The following SLC25A48 variants were observed in gnomAD, a reference collection of about 807,000 sequenced individuals.
The protein encoded by SLC25A48 is CTC-321K16.1.
A neutral mutation model predicts 32.2 loss-of-function variants in SLC25A48; 29 were observed. The ratio of observed to expected loss-of-function variants is 0.90; its 90% confidence interval spans 0.67 to 1.23. SLC25A48 has a LOEUF of 1.23. Among genes scored for constraint, SLC25A48 ranks in the 50% most tolerant of loss-of-function variants. SLC25A48 has a pLI of 0.00. For missense variants in SLC25A48, 399 were observed against 422.7 expected (o/e 0.94, Z 0.49); for synonymous variants, 164 against 172.3 (o/e 0.95, Z 0.38).
intron 3 of SLC25A48, among the ~76,000 whole-genome samples, chr5:135,675,914 C>A (rs1753758940): frequency 6.6e-6 from 1 of 151,962 alleles, no homozygotes; most frequent in Non-Finnish European, 1.5e-5. Context: ...AGTGATCTTT[C>A]ACTTCCTTGG....
At chr5:135,840,072 C>G (rs1176108322) in intron 1 of SLC25A48, among the ~76,000 whole-genome samples, 2 of 152,146 alleles carry the variant, frequency 1.3e-5, no homozygotes, top group Non-Finnish European at 2.9e-5. Context: ...CTTAGGGCAG[C>G]CTTGGTTCTC....
chr5:135,760,121 G>C (rs1033311910), intron 3 of SLC25A48, among the ~76,000 whole-genome samples: 1 of 152,062 alleles, frequency 6.6e-6, no homozygotes, highest in Non-Finnish European at 1.5e-5. Context: ...GTGAGCCACC[G>C]CGCCCGGCCC....
At chr5:135,882,118 G>A (rs72791395) in intron 7 of SLC25A48, among the ~76,000 whole-genome samples, 8,600 of 152,326 alleles carry the variant, frequency 0.056, 360 homozygotes, top group African/African-American at 0.11. Context: ...CTTTCTGGAA[G>A]CGCTCTTTCT....
intron 3 of SLC25A48, among the ~76,000 whole-genome samples, chr5:135,772,092 A>T (rs12152911): frequency 0.3 from 45,801 of 151,268 alleles, 7,091 homozygotes; most frequent in East Asian, 0.46. Context: ...ACCCTGTGAT[A>T]TTATTCATAA....
Position 135,779,522 on chromosome 5 carries a change from A to ACACGCACTCTAATAAGGTT in SLC25A48, c.-520-33001_-520-33000insCACGCACTCTAATAAGGTT, listed in dbSNP as rs1326006136. On this transcript the variant is annotated intron_variant, in intron 3 of 10. Coordinates refer to the SLC25A48 transcript ENST00000646290. ...ACTCCCAATATTGCAGGGGGTGTAC[A>ACACGCACTCTAATAAGGTT]TGCCCCCCTGTGATATTGTTTCTAA... is the stretch of plus-strand genomic sequence containing the variant. 4.7e-4 allele frequency among the ~76,000 whole-genome samples: 57 copies of ACACGCACTCTAATAAGGTT among 120,792 alleles called. 1 individual carries two copies. Among genetic ancestry groups the ACACGCACTCTAATAAGGTT allele is most frequent in the Non-Finnish European group, 7.0e-4 (34 of 48,510 alleles). The allele number at this position is 120,792 out of a possible 152,430, so 79.2% of individuals were successfully genotyped here.
chr5:135,828,507 C>T (rs1373882179), intron 4 of SLC25A48, among the ~76,000 whole-genome samples: 1 of 152,242 alleles, frequency 6.6e-6, no homozygotes, highest in African/African-American at 2.4e-5. Flanking sequence ...TGCCTGCTCT[C>T]AGGTGCTGAG....
chr5:135,772,485 G>C (rs7378725), intron 3 of SLC25A48, among the ~76,000 whole-genome samples: 2 of 151,376 alleles, frequency 1.3e-5, no homozygotes, highest in Non-Finnish European at 3.0e-5. Context: ...TATTCACGAA[G>C]AAAGAGAATA....
At chr5:135,742,518 C>T in intron 3 of SLC25A48, 1 of 1,549,418 alleles carries the variant, frequency 6.5e-7, no homozygotes, top group Non-Finnish European at 8.8e-7. Context: ...CTTTTCCCAA[C>T]ACTGCCTTTC....
Position 135,793,388 on chromosome 5 carries a change from T to C in SLC25A48, c.-520-19135T>C, listed in dbSNP as rs530305508. On this transcript the variant is annotated intron_variant, in intron 3 of 10. Transcript: ENST00000646290. The stretch of plus-strand genomic sequence containing the variant: ...ACCCTGGGATATTATTCGTAGTATT[T>C]TGGGGAGATATTACTCTCTTAATGT... Among the ~76,000 whole-genome samples the C allele has an allele frequency of 2.7e-4, 41 of 151,610 alleles. 2 individuals are homozygous for C. Among genetic ancestry groups the C allele is most frequent in the Admixed American group, 2.5e-3 (38 of 15,170 alleles).
At chr5:135,800,691 C>T (rs1757298565) in intron 3 of SLC25A48, among the ~76,000 whole-genome samples, 1 of 151,862 alleles carries the variant, frequency 6.6e-6, no homozygotes, top group Admixed American at 6.6e-5. Context: ...GTACACCCCC[C>T]TGGGATAGGG....
intron 2 of SLC25A48, among the ~76,000 whole-genome samples, chr5:135,632,507 G>A (rs796416188): frequency 2.6e-5 from 4 of 152,152 alleles, no homozygotes; most frequent in African/African-American, 9.7e-5. Flanking sequence ...GAGAAGTCTA[G>A]TTTCTGGCCA....
At chr5:135,819,328 A>C (rs563905306) in intron 4 of SLC25A48, among the ~76,000 whole-genome samples, 79 of 152,290 alleles carry the variant, frequency 5.2e-4, no homozygotes, top group African/African-American at 1.8e-3. Flanking sequence ...ACAAAGCTTA[A>C]AGAAAAACAT....
intron 3 of SLC25A48, among the ~76,000 whole-genome samples, chr5:135,721,193 T>TTTTTTTTTTTC (rs1491389902): frequency 4.5e-5 from 2 of 44,932 alleles, no homozygotes; most frequent in African/African-American, 7.9e-5. Flanking sequence ...ATGCCTGGCC[T>TTTTTTTTTTTC]TTTTTTTTTT....
At chr5:135,844,020 T>C (rs148393508) in intron 2 of SLC25A48, among the ~76,000 whole-genome samples, 547 of 152,288 alleles carry the variant, frequency 3.6e-3, no homozygotes, top group Non-Finnish European at 5.6e-3. Flanking sequence ...TTAGGGCCCA[T>C]GTCTGGCACT....
chr5:135,624,479 A>C (rs1752398684), intron 1 of SLC25A48, among the ~76,000 whole-genome samples: 1 of 152,272 alleles, frequency 6.6e-6, no homozygotes, highest in Admixed American at 6.5e-5. Context: ...TAAATATAAA[A>C]TAAATAATAG....
At chr5:135,820,781 C>T (rs572800023) in intron 4 of SLC25A48, among the ~76,000 whole-genome samples, 1 of 152,258 alleles carries the variant, frequency 6.6e-6, no homozygotes, top group South Asian at 2.1e-4. Context: ...TATCTATTAC[C>T]ATTTACAACA....
At chr5:135,656,494 A>G (rs1455449715) in intron 3 of SLC25A48, among the ~76,000 whole-genome samples, 1 of 151,896 alleles carries the variant, frequency 6.6e-6, no homozygotes, top group Admixed American at 6.6e-5. Flanking sequence ...TGATTATGGA[A>G]CCCCTGAGAC....
intron 1 of SLC25A48, among the ~76,000 whole-genome samples, chr5:135,599,467 A>T (rs536714142): frequency 1.3e-5 from 2 of 152,104 alleles, no homozygotes; most frequent in African/African-American, 4.8e-5. Context: ...TTCCTTGGCC[A>T]TGCATAAGTT....
intron 3 of SLC25A48, among the ~76,000 whole-genome samples, chr5:135,770,523 T>C (rs1378119853): frequency 6.6e-6 from 1 of 151,686 alleles, no homozygotes; most frequent in Non-Finnish European, 1.5e-5. Context: ...CCTGTGATAT[T>C]GTTTGTAATA....
Sources: allele counts gnomAD v4.1 joint callset (sites outside exome capture counted in the v4.1 genomes callset), GRCh38; gene constraint gnomAD v4.1.1; transcripts MANE v1.5; gene names NCBI Gene and HGNC (gene_info 2026-07-23, HGNC 2026-07-21).